The following CFAP95 variants were observed in gnomAD, a reference collection of about 807,000 sequenced individuals.
The protein encoded by CFAP95 is cilia and flagella associated protein 95.
chr9:69,862,458 G>A, the CFAP95 span, among the ~76,000 whole-genome samples: 1 of 152,146 alleles, frequency 6.6e-6, no homozygotes, highest in African/African-American at 2.4e-5. Flanking sequence ...ATTATAGAAT[G>A]TTTCATACAG....
At chr9:69,854,230 C>T in the CFAP95 span, among the ~76,000 whole-genome samples, 1 of 152,198 alleles carries the variant, frequency 6.6e-6, no homozygotes, top group African/African-American at 2.4e-5. Flanking sequence ...TCCAACTTTC[C>T]ATGTCTTCAT....
At chr9:69,867,256 A>G in the CFAP95 span, among the ~76,000 whole-genome samples, 5 of 152,326 alleles carry the variant, frequency 3.3e-5, no homozygotes, top group South Asian at 6.2e-4. Flanking sequence ...ATAAGAAAAT[A>G]TATGTGAAAG....
At chr9:69,849,284 T>C in the CFAP95 span, among the ~76,000 whole-genome samples, 3 of 150,774 alleles carry the variant, frequency 2.0e-5, no homozygotes, top group Admixed American at 2.0e-4. Flanking sequence ...TAAGTATTTG[T>C]GGAAGAAAGG....
the CFAP95 span, among the ~76,000 whole-genome samples, chr9:69,890,212 A>T: frequency 1.3e-5 from 2 of 152,322 alleles, no homozygotes; most frequent in African/African-American, 4.8e-5. Flanking sequence ...AATATAAATA[A>T]TGTGGGATGT....
At chr9:69,892,979 C>A in the CFAP95 span, among the ~76,000 whole-genome samples, 1 of 152,172 alleles carries the variant, frequency 6.6e-6, no homozygotes, top group Non-Finnish European at 1.5e-5. Context: ...TTCCTGGACA[C>A]CATCTTCAAT....
At chr9:69,844,564 C>T in the CFAP95 span, 1 of 1,612,822 alleles carries the variant, frequency 6.2e-7, no homozygotes, top group Non-Finnish European at 8.5e-7. Context: ...ATAGAGGGTC[C>T]TGAGAAAGTT....
the CFAP95 span, among the ~76,000 whole-genome samples, chr9:69,897,052 A>G: frequency 6.6e-6 from 1 of 152,188 alleles, no homozygotes; most frequent in South Asian, 2.1e-4. Flanking sequence ...ACCATTCTGC[A>G]TGTGTGCTTA....
the CFAP95 span, among the ~76,000 whole-genome samples, chr9:69,840,950 T>G: frequency 6.6e-6 from 1 of 151,796 alleles, no homozygotes; most frequent in East Asian, 1.9e-4. Flanking sequence ...GGCTGCTATC[T>G]AAGGTTGCTA....
At chr9:69,874,400 G>A in the CFAP95 span, among the ~76,000 whole-genome samples, 1 of 152,288 alleles carries the variant, frequency 6.6e-6, no homozygotes, top group South Asian at 2.1e-4. Context: ...AGTTGGTTAC[G>A]TGATTACAAT....
the CFAP95 span, among the ~76,000 whole-genome samples, chr9:69,847,927 C>CAA: frequency 3.9e-5 from 6 of 152,276 alleles, no homozygotes; most frequent in South Asian, 1.2e-3. Context: ...AAGAACAGAA[C>CAA]AATAGCCTCA....
chr9:69,860,352 G>A, the CFAP95 span, among the ~76,000 whole-genome samples: 2 of 151,896 alleles, frequency 1.3e-5, no homozygotes, highest in Non-Finnish European at 2.9e-5. Context: ...GAGGGGAGGA[G>A]GTGCCAGGGT....
the CFAP95 span, among the ~76,000 whole-genome samples, chr9:69,888,025 C>T: frequency 6.6e-6 from 1 of 152,158 alleles, no homozygotes; most frequent in Non-Finnish European, 1.5e-5. Context: ...TGAACCAAAA[C>T]ATGACTGAGG....
chr9:69,871,889 T>C, the CFAP95 span, among the ~76,000 whole-genome samples: 1 of 152,194 alleles, frequency 6.6e-6, no homozygotes, highest in Non-Finnish European at 1.5e-5. Flanking sequence ...AACACAAAGA[T>C]AACCAACCCC....
At chr9:69,871,901 C>T in the CFAP95 span, among the ~76,000 whole-genome samples, 34 of 152,308 alleles carry the variant, frequency 2.2e-4, no homozygotes, top group African/African-American at 7.7e-4. Flanking sequence ...ACCAACCCCT[C>T]CCACTGTTTA....
chr9:69,852,417 T>C, the CFAP95 span, among the ~76,000 whole-genome samples: 2 of 152,122 alleles, frequency 1.3e-5, no homozygotes, highest in East Asian at 3.9e-4. Flanking sequence ...ACAAAAATGG[T>C]TGAAATCAAA....
chr9:69,879,112 G>T, the CFAP95 span, among the ~76,000 whole-genome samples: 2 of 152,158 alleles, frequency 1.3e-5, no homozygotes, highest in African/African-American at 2.4e-5. Context: ...TTCAACATGA[G>T]ATTTGGGCAG....
chr9:69,833,351 T>G, the CFAP95 span, among the ~76,000 whole-genome samples: 1 of 152,218 alleles, frequency 6.6e-6, no homozygotes, highest in Non-Finnish European at 1.5e-5. Context: ...CATTTCTTTT[T>G]ATTTCTTAAT....
At chr9:69,892,065 AT>A in the CFAP95 span, among the ~76,000 whole-genome samples, 1 of 152,152 alleles carries the variant, frequency 6.6e-6, no homozygotes, top group Non-Finnish European at 1.5e-5. Flanking sequence ...TGACATCCGC[AT>A]TTTTTTATTG....
chr9:69,862,432 CAG>C, the CFAP95 span, among the ~76,000 whole-genome samples: 1 of 152,146 alleles, frequency 6.6e-6, no homozygotes, highest in Admixed American at 6.6e-5. Context: ...TTCTTTCTTT[CAG>C]TTAATATACA....
Sources: allele counts gnomAD v4.1 joint callset (sites outside exome capture counted in the v4.1 genomes callset), GRCh38; gene constraint gnomAD v4.1.1; transcripts MANE v1.5; gene names NCBI Gene and HGNC (gene_info 2026-07-23, HGNC 2026-07-21).